Variants in GRM6 observed in about 807,000 individuals in gnomAD.
GRM6 encodes glutamate metabotropic receptor 6.
Under a neutral mutation model 78.4 loss-of-function variants are expected in GRM6, and 73 were observed. That is an observed-to-expected ratio of 0.93 (90% confidence interval 0.77 to 1.13). GRM6 has a LOEUF of 1.13. Ranked by LOEUF, GRM6 falls within the 50% of genes most tolerant of loss-of-function variation. The pLI, the probability that GRM6 is intolerant of heterozygous loss-of-function variation, is 0.00. For synonymous variants in GRM6, 580 were observed against 555.0 expected (o/e 1.05, Z -0.63); for missense variants, 1,251 against 1,256.4 (o/e 1.00, Z 0.07).
chr5:178,988,908 G>C lies in GRM6; in HGVS notation c.1354+27C>G, dbSNP rs1760615610. 1 of 1,584,372 alleles carries C rather than the reference G, an allele frequency of 6.3e-7. No homozygotes were observed. The highest frequency in any genetic ancestry group is 1.3e-5 in the African/African-American group (1 of 74,346). The stretch of plus-strand genomic sequence containing the variant: ...TCCAGCCCCCCAGCTGTCCTTCACT[G>C]CTGCAGGGGGGCAGGCACCCACTCA... On this transcript the variant is annotated intron_variant, in intron 7 of 10. Coordinates refer to ENST00000517717, the MANE Select transcript of GRM6 (RefSeq NM_000843.4). This position sits in a 1 kb window ranked among gnomAD's most constrained non-coding sequence, Gnocchi z 6.0.
chr5:178,987,645 G>A (rs1239913606), intron 7 of GRM6, among the ~76,000 whole-genome samples: 1 of 152,210 alleles, frequency 6.6e-6, no homozygotes, highest in Non-Finnish European at 1.5e-5. Context: ...GCGGTTGCAG[G>A]TGCTGGCGGG....
Position 178,991,365 on chromosome 5 carries a change from G to C in GRM6, c.857+59C>G. The C allele has an allele frequency of 6.6e-7, 1 of 1,516,018 alleles. No homozygotes were observed. The highest frequency in any genetic ancestry group is 9.2e-7 in the Non-Finnish European group (1 of 1,091,660). The allele number at this position is 1,516,018 out of a possible 1,614,324, so 93.9% of individuals were successfully genotyped here. A position where few individuals can be genotyped will look rare whatever the true frequency, so the allele number is the denominator to read the frequency against. On this transcript the variant is annotated intron_variant, in intron 4 of 10. Coordinates refer to ENST00000517717, the MANE Select transcript of GRM6 (RefSeq NM_000843.4). This position sits in a 1 kb window ranked among gnomAD's most constrained non-coding sequence, Gnocchi z 5.0. ...GTGTGTAAGGTGGCGATGTGCAAGA[G>C]GAGGGGTGGGACCCTCAGGGAGAGC...
rs778322000 is a variant in GRM6, at chr5:178,983,501, C to T, written c.2125-280G>A. 62 of 637,440 alleles carry T rather than the reference C, an allele frequency of 9.7e-5. 1 individual carries two copies. Among genetic ancestry groups the T allele is most frequent in the South Asian group, 9.3e-4 (61 of 65,900 alleles). The allele number at this position is 637,440 out of a possible 1,614,324, so 39.5% of individuals were successfully genotyped here. On this transcript the variant is annotated intron_variant, in intron 9 of 10. Coordinates refer to ENST00000517717, the MANE Select transcript of GRM6 (RefSeq NM_000843.4). ...ATGTTGGCAACATCAGTGCAGTGTG[C>T]ATAAGGGGCAGCTTGGTGTCCTCTT...
intron 2 of GRM6, among the ~76,000 whole-genome samples, chr5:178,993,704 T>G (rs1443496790): frequency 1.3e-5 from 2 of 151,922 alleles, no homozygotes; most frequent in Non-Finnish European, 1.5e-5. Context: ...ACCCCCAAAC[T>G]TGTATGCCAA....
At chr5:178,985,024 G>GA (rs778959861) in intron 9 of GRM6, among the ~76,000 whole-genome samples, 8 of 152,104 alleles carry the variant, frequency 5.3e-5, no homozygotes, top group Non-Finnish European at 1.0e-4. Context: ...ACTGTCTTAG[G>GA]AAAATCCCCC....
At position 178,989,739 on chromosome 5, in the gene GRM6, C is replaced by T. The variant is rs1446722746; in HGVS notation, c.1013-334G>A. On this transcript the variant is annotated intron_variant, in intron 5 of 10. Coordinates refer to ENST00000517717, the MANE Select transcript of GRM6 (RefSeq NM_000843.4). ...AGACTTTTATCCCTGCTCCTTCTTT[C>T]CTGTTAGGATGCTGCTGTGAAGATG... The T allele has an allele frequency of 7.3e-6, 3 of 408,834 alleles. No individual in the cohort carries two copies. In the East Asian group the frequency reaches 1.7e-4, roughly 23 times the overall value. The allele number at this position is 408,834 out of a possible 1,614,324, so 25.3% of individuals were successfully genotyped here.
rs769699831 is a variant in GRM6, at chr5:178,990,758, A to G, written c.858-12T>C. The G allele has an allele frequency of 2.6e-6, 4 of 1,555,626 alleles. No homozygotes were observed. The highest frequency in any genetic ancestry group is 2.6e-6 in the Non-Finnish European group (3 of 1,149,850). ...CCTCCAGGACCCGCCTGGTAGGAGC[A>G]GGGCTGGGGTGAGGGAGGGCCTGGG... is the stretch of plus-strand genomic sequence containing the variant. On this transcript the variant is annotated splice_polypyrimidine_tract_variant and intron_variant, in intron 4 of 10. Coordinates refer to ENST00000517717, the MANE Select transcript of GRM6 (RefSeq NM_000843.4).
At position 178,981,914 on chromosome 5, in the gene GRM6, C is replaced by T. The variant is rs889318283; in HGVS notation, c.2437-60G>A. The T allele has an allele frequency of 3.0e-6, 3 of 1,002,218 alleles. No individual in the cohort carries two copies. The highest frequency in any genetic ancestry group is 1.7e-5 in the Admixed American group (1 of 59,240). 62.1% of individuals were successfully genotyped at this position (1,002,218 alleles called of 1,614,324 possible). Reference sequence around the variant, plus strand: ...GCCCTGCTCTCCCTGCCCCGCTCCACACAGTCCTCACCACATACTCTGGAG... The same window carrying T: ...GCCCTGCTCTCCCTGCCCCGCTCCATACAGTCCTCACCACATACTCTGGAG... On this transcript the variant is annotated intron_variant, in intron 10 of 10. Coordinates refer to ENST00000517717, the MANE Select transcript of GRM6 (RefSeq NM_000843.4). This position sits in a 1 kb window ranked among gnomAD's most constrained non-coding sequence, Gnocchi z 5.1.
chr5:178,983,085 C>T lies in GRM6; in HGVS notation c.2261G>A (p.Cys754Tyr). The change falls in exon 10 of 11, where the codon TGC (cysteine) becomes TAC (tyrosine). Residue 754 changes from cysteine (C) to tyrosine (Y), a missense_variant. Physicochemically the swap from Cys to Tyr is radical, Grantham distance 194 (BLOSUM62 -2). Coordinates refer to ENST00000517717, the MANE Select transcript of GRM6 (RefSeq NM_000843.4). ...CDMSDLSLIG[C>Y]LGYSLLLMVT... The stretch of plus-strand genomic sequence containing the variant: ...CATGAGCAGGAGGCTGTAGCCCAGG[C>T]AGCCGATGAGAGACAGATCCGACAT... 6.2e-7 allele frequency: 1 copy of T among 1,614,212 alleles called. No homozygotes were observed. The highest frequency in any genetic ancestry group is 8.5e-7 in the Non-Finnish European group (1 of 1,180,042).
chr5:178,990,556 C>T (rs542861337), intron 5 of GRM6, 36 bp downstream of exon 5: 23 of 1,564,536 alleles, frequency 1.5e-5, no homozygotes, highest in South Asian at 4.4e-5. Flanking sequence ...GCTGGGGAGA[C>T]GTGTGGGGTG....
Position 178,988,025 on chromosome 5 carries a change from G to T in GRM6, c.1354+910C>A, listed in dbSNP as rs1299573228. On this transcript the variant is annotated intron_variant, in intron 7 of 10. Coordinates refer to ENST00000517717, the MANE Select transcript of GRM6 (RefSeq NM_000843.4). This position sits in a 1 kb window ranked among gnomAD's most constrained non-coding sequence, Gnocchi z 6.0. ...TCCACCTGTCTCGGCCTCCCAAAGT[G>T]CTCAGATTACAGGAGTGAGCCATTG... 1.3e-5 allele frequency among the ~76,000 whole-genome samples: 2 copies of T among 152,060 alleles called. No individual in the cohort carries two copies. The highest frequency in any genetic ancestry group is 1.3e-4 in the Admixed American group (2 of 15,270).
chr5:178,984,781 T>C (rs10064507), intron 9 of GRM6, among the ~76,000 whole-genome samples: 78,261 of 151,922 alleles, frequency 0.52, 21,822 homozygotes, highest in Non-Finnish European at 0.62. Context: ...GTGGCGTGTG[T>C]GGAACGAATA....
At position 178,989,001 on chromosome 5, in the gene GRM6, A is replaced by G. The variant is rs1380953715; in HGVS notation, c.1288T>C (p.Cys430Arg). 2 of 1,613,642 alleles carry G rather than the reference A, an allele frequency of 1.2e-6. No individual in the cohort carries two copies. Among genetic ancestry groups the G allele is most frequent in the Non-Finnish European group, 8.5e-7 (1 of 1,179,604 alleles). ...CCATCAGTGGGTTCCATCGCCGGGCACAGGCCTGTGTGCCCAGGGCAGAGC... is the reference window on the plus strand; with the variant it reads ...CCATCAGTGGGTTCCATCGCCGGGCGCAGGCCTGTGTGCCCAGGGCAGAGC... ...QALCPGHTGL[C>R]PAMEPTDGRM... Residue 430 changes from cysteine (C) to arginine (R), a missense_variant, in exon 7 of 11, where the codon TGC becomes CGC. Physicochemically the swap from Cys to Arg is radical, Grantham distance 180. Transcript: ENST00000517717.
chr5:178,994,946 G>C lies in GRM6; in HGVS notation c.-2C>G. 2.6e-6 allele frequency: 3 copies of C among 1,173,656 alleles called. No homozygotes were observed. The highest frequency in any genetic ancestry group is 3.2e-6 in the Non-Finnish European group (3 of 950,638). 72.7% of individuals were successfully genotyped at this position (1,173,656 alleles called of 1,614,324 possible). ...CCGGGCTCTCCGGGGCCGCGCCATC[G>C]GCTCGTCTAGCGGGCTGCGGGGAGA... On this transcript the variant is annotated 5_prime_UTR_variant, in exon 2 of 11. Transcript: ENST00000517717.
chr5:178,981,486 T>C lies in GRM6; in HGVS notation c.*171A>G, dbSNP rs17078848. 0.046 allele frequency: 27,964 copies of C among 601,440 alleles called. 1,099 individuals are homozygous for C. Among genetic ancestry groups the C allele is most frequent in the East Asian group, 0.16 (5,644 of 35,858 alleles). The allele number at this position is 601,440 out of a possible 1,614,324, so 37.3% of individuals were successfully genotyped here. ...TGAAGCTCACATGCTGGAATCGGGG[T>C]AGAGCTGGGTCCAGTTCCTTCTCAA... On this transcript the variant is annotated 3_prime_UTR_variant, in exon 11 of 11. Transcript: ENST00000517717. This position sits in a 1 kb window ranked among gnomAD's most constrained non-coding sequence, Gnocchi z 5.1.
In GRM6 at chr5:178,989,014, C is replaced by T. The variant is rs1219725052; in HGVS notation, c.1275G>A (p.Gly425=). 11 of 1,614,010 alleles carry T rather than the reference C, an allele frequency of 6.8e-6. No individual in the cohort carries two copies. Among genetic ancestry groups the T allele is most frequent in the South Asian group, 1.1e-5 (1 of 91,068 alleles). ...CCATCGCCGGGCACAGGCCTGTGTG[C>T]CCAGGGCAGAGCGCCTGGTGCATGC... The part of the protein sequence containing the change: ...LHSMHQALCP[G]HTGLCPAMEP... The change falls in exon 7 of 11, where the codon GGG becomes GGA. Residue 425 remains glycine (G), a synonymous_variant. Coordinates refer to ENST00000517717, the MANE Select transcript of GRM6 (RefSeq NM_000843.4).
At chr5:178,983,463 G>A in intron 9 of GRM6, 1 of 687,796 alleles carries the variant, frequency 1.5e-6, no homozygotes, top group South Asian at 1.5e-5. Flanking sequence ...GAGAAGGGCT[G>A]TGCCGCCCGT....
chr5:178,983,615 C>T (rs899423958), intron 9 of GRM6: 17 of 383,426 alleles, frequency 4.4e-5, no homozygotes, highest in Non-Finnish European at 7.3e-5. Context: ...AGGCCCTACT[C>T]GCATCGCCTC....
chr5:178,985,090 C>T (rs553807249), intron 9 of GRM6, among the ~76,000 whole-genome samples: 102 of 152,250 alleles, frequency 6.7e-4, no homozygotes, highest in Middle Eastern at 3.4e-3. Flanking sequence ...GGATGGAATT[C>T]GATGCTCTTC....
Sources: allele counts gnomAD v4.1 joint callset (sites outside exome capture counted in the v4.1 genomes callset), GRCh38; gene constraint gnomAD v4.1.1; non-coding constraint Gnocchi (gnomAD v3.1); transcripts MANE v1.5; gene names NCBI Gene and HGNC (gene_info 2026-07-23, HGNC 2026-07-21).